The following ALDH1L2 variants were observed in gnomAD, a reference collection of about 807,000 sequenced individuals.
ALDH1L2 encodes aldehyde dehydrogenase 1 family member L2, also known as mitochondrial 10-formyltetrahydrofolate dehydrogenase.
In ALDH1L2, 91 loss-of-function variants were observed where a neutral mutation model predicts 111.0. The observed-to-expected ratio is 0.82, with a 90% CI of 0.69 to 0.98. The LOEUF (loss-of-function observed/expected upper bound fraction) is 0.98. Among genes scored for constraint, ALDH1L2 ranks in the 50% least tolerant of loss-of-function variants. ALDH1L2 has a pLI of 0.00. For missense variants in ALDH1L2, 995 were observed against 1,126.8 expected, an observed-to-expected ratio of 0.88 and a Z score of 1.67; for synonymous variants, 374 against 392.6, an observed-to-expected ratio of 0.95 and a Z score of 0.56.
At chr12:105,035,831 A>C (rs1333391360) in intron 18 of ALDH1L2, among the ~76,000 whole-genome samples, 2 of 78,468 alleles carry the variant, frequency 2.5e-5, no homozygotes, top group African/African-American at 1.5e-4. Flanking sequence ...GTGTCTATAT[A>C]TATATATATG....
At chr12:105,034,984 A>AT (rs34754685) in intron 18 of ALDH1L2, among the ~76,000 whole-genome samples, 33,305 of 125,172 alleles carry the variant, frequency 0.27, 4,938 homozygotes, top group East Asian at 0.5. Context: ...ATTCCATCTC[A>AT]TAAATAAATA....
At chr12:105,054,534 T>G (rs939347060) in intron 10 of ALDH1L2, among the ~76,000 whole-genome samples, 13 of 152,170 alleles carry the variant, frequency 8.5e-5, no homozygotes, top group African/African-American at 2.9e-4. Flanking sequence ...CCAACTTCAT[T>G]GCAAGTATGG....
intron 19 of ALDH1L2, among the ~76,000 whole-genome samples, chr12:105,032,174 C>CTTTTTT (rs59767606): frequency 9.4e-6 from 1 of 105,974 alleles, no homozygotes. Context: ...CCTCGAACTT[C>CTTTTTT]TTTTTTTTTT....
intron 18 of ALDH1L2, among the ~76,000 whole-genome samples, chr12:105,036,074 TTA>T (rs1365077873): frequency 1.3e-5 from 1 of 79,886 alleles, no homozygotes; most frequent in Non-Finnish European, 2.1e-5. Context: ...ATACGTATAT[TTA>T]TATATGTGTA....
rs1877270159 is a variant in ALDH1L2 at position 105,065,171 on chromosome 12, A to G, written c.786+96T>C. Reference sequence around the variant, plus strand: ...TGAATCACAGACCTGCCTCATGACCAAGGAAGAACCATGGGAAGCCCAGAT... The same window carrying G: ...TGAATCACAGACCTGCCTCATGACCGAGGAAGAACCATGGGAAGCCCAGAT... On this transcript the variant is annotated intron_variant, in intron 6 of 22. Coordinates refer to ENST00000258494, the MANE Select transcript of ALDH1L2 (RefSeq NM_001034173.4). 9.1e-6 allele frequency: 7 copies of G among 767,274 alleles called. No homozygotes were observed. In the Admixed American group the frequency reaches 1.5e-4, roughly 17 times the overall value. 47.5% of individuals were successfully genotyped at this position (767,274 alleles called of 1,614,324 possible). A position where few individuals can be genotyped will look rare whatever the true frequency, so the allele number is the denominator to read the frequency against.
At chr12:105,071,234 G>A (rs553996279) in intron 2 of ALDH1L2, among the ~76,000 whole-genome samples, 1 of 152,282 alleles carries the variant, frequency 6.6e-6, no homozygotes, top group Admixed American at 6.5e-5. Flanking sequence ...ACACATCGTA[G>A]ACCAGAACAC....
chr12:105,049,127 C>T lies in ALDH1L2; in HGVS notation c.1686+781G>A, dbSNP rs573807544. ...ATACTCAGTCTGCTTCCACCATCTACGGTAGCTCTCTGGCCTCTGTAGGTA... is the reference window on the plus strand; with the variant it reads ...ATACTCAGTCTGCTTCCACCATCTATGGTAGCTCTCTGGCCTCTGTAGGTA... On this transcript the variant is annotated intron_variant, in intron 13 of 22. Coordinates refer to ENST00000258494, the MANE Select transcript of ALDH1L2 (RefSeq NM_001034173.4). Among the ~76,000 whole-genome samples, 14 of 152,206 alleles carry T rather than the reference C, an allele frequency of 9.2e-5. No homozygotes were observed. In the East Asian group the frequency reaches 1.2e-3, roughly 13 times the overall value.
chr12:105,049,686 CTT>C, intron 13 of ALDH1L2: 2 of 426,978 alleles, frequency 4.7e-6, no homozygotes, highest in South Asian at 8.6e-5. Flanking sequence ...ACACCTTTAT[CTT>C]AGACTTCCCG....
intron 8 of ALDH1L2, among the ~76,000 whole-genome samples, chr12:105,061,415 C>G (rs1876996876): frequency 1.3e-5 from 2 of 152,154 alleles, no homozygotes; most frequent in Non-Finnish European, 2.9e-5. Flanking sequence ...CCCGTGCCAA[C>G]CTGGAACTGC....
chr12:105,052,805 TACTC>T lies in ALDH1L2; in HGVS notation c.1407+3_1407+6del, dbSNP rs1207906945. 1.2e-6 allele frequency: 2 copies of T among 1,614,040 alleles called. No homozygotes were observed. The highest frequency in any genetic ancestry group is 1.7e-6 in the Non-Finnish European group (2 of 1,179,956). ...GTGATCACTACTCACACTAAAGAAT[TACTC>T]ACAGATCCATCTGTTGGGTTGATAG... is the stretch of plus-strand genomic sequence containing the variant. On this transcript the variant is annotated splice_donor_5th_base_variant and intron_variant, in intron 11 of 22. Coordinates refer to ENST00000258494, the MANE Select transcript of ALDH1L2 (RefSeq NM_001034173.4).
chr12:105,046,209 A>C (rs1875872495), intron 15 of ALDH1L2, among the ~76,000 whole-genome samples: 2 of 52,784 alleles, frequency 3.8e-5, no homozygotes, highest in African/African-American at 1.8e-4. Context: ...ATATATATAT[A>C]TATATATATA....
At chr12:105,030,789 T>G (rs1466042809) in intron 20 of ALDH1L2, among the ~76,000 whole-genome samples, 2 of 152,246 alleles carry the variant, frequency 1.3e-5, no homozygotes, top group African/African-American at 2.4e-5. Flanking sequence ...GGATATTTTC[T>G]TATATAACCA....
intron 19 of ALDH1L2, among the ~76,000 whole-genome samples, chr12:105,033,627 C>CGTATT (rs1874822282): frequency 6.6e-6 from 1 of 151,834 alleles, no homozygotes; most frequent in Non-Finnish European, 1.5e-5. Flanking sequence ...TTCATAATGA[C>CGTATT]ATAGTATAAG....
chr12:105,070,495 A>C, intron 3 of ALDH1L2, 75 bp downstream of exon 3: 1 of 1,233,098 alleles, frequency 8.1e-7, no homozygotes, highest in South Asian at 1.5e-5. Flanking sequence ...ATTTGAGCCC[A>C]GGAGTTTGAA....
At chr12:105,038,884 G>A (rs145203276) in intron 17 of ALDH1L2, among the ~76,000 whole-genome samples, 1 of 152,114 alleles carries the variant, frequency 6.6e-6, no homozygotes, top group Non-Finnish European at 1.5e-5. Context: ...ATAAAAGCCT[G>A]GCAAAAGAAT....
At position 105,034,417 on chromosome 12, in the gene ALDH1L2, A is replaced by C; in HGVS notation, c.2146-19T>G. On this transcript the variant is annotated intron_variant, in intron 18 of 22. Coordinates refer to ENST00000258494, the MANE Select transcript of ALDH1L2 (RefSeq NM_001034173.4). ...CCATGCCCTTCAGTGGGAGAAGAGA[A>C]AATATTGCTAACATCATTTGAGAAG... 6.3e-7 allele frequency: 1 copy of C among 1,596,396 alleles called. No individual in the cohort carries two copies. Among genetic ancestry groups the C allele is most frequent in the African/African-American group, 1.3e-5 (1 of 74,368 alleles).
At chr12:105,051,609 C>G (rs1876268667) in intron 12 of ALDH1L2, among the ~76,000 whole-genome samples, 1 of 152,080 alleles carries the variant, frequency 6.6e-6, no homozygotes, top group African/African-American at 2.4e-5. Context: ...CAGCTGGGAC[C>G]TGCCTGATGC....
At chr12:105,075,024 A>C (rs1221164785) in intron 1 of ALDH1L2, among the ~76,000 whole-genome samples, 5 of 152,256 alleles carry the variant, frequency 3.3e-5, no homozygotes, top group African/African-American at 1.2e-4. Flanking sequence ...TCTCAAAAAA[A>C]TCAAATGTCC....
At chr12:105,038,893 A>T (rs1050737979) in intron 17 of ALDH1L2, among the ~76,000 whole-genome samples, 4 of 152,246 alleles carry the variant, frequency 2.6e-5, no homozygotes, top group African/African-American at 9.6e-5. Context: ...TGGCAAAAGA[A>T]TTAAACCTCT....
Sources: allele counts gnomAD v4.1 joint callset (sites outside exome capture counted in the v4.1 genomes callset), GRCh38; gene constraint gnomAD v4.1.1; transcripts MANE v1.5; gene names NCBI Gene and HGNC (gene_info 2026-07-23, HGNC 2026-07-21).